The following GAPVD1 variants were observed in gnomAD, a reference collection of about 807,000 sequenced individuals.
GAPVD1 encodes the protein GTPase-activating protein and VPS9 domain-containing protein 1.
GAPVD1 carries 35 observed loss-of-function variants against 155.5 expected under a neutral mutation model. That is an observed-to-expected ratio of 0.23 (90% CI 0.17 to 0.30). GAPVD1 has a LOEUF of 0.30. Among genes scored for constraint, GAPVD1 ranks in the 10% least tolerant of loss-of-function variants. The pLI is 1.00. For missense variants in GAPVD1, 1,429 were observed against 1,775.7 expected, an observed-to-expected ratio of 0.80 and a Z score of 3.51; for synonymous variants, 636 against 619.7, an observed-to-expected ratio of 1.03 and a Z score of -0.39.
intron 11 of GAPVD1, among the ~76,000 whole-genome samples, chr9:125,325,233 A>G (rs1249010303): frequency 2.0e-5 from 3 of 150,262 alleles, no homozygotes; most frequent in Non-Finnish European, 4.4e-5. Flanking sequence ...TGAAAAAAAA[A>G]AAGATGGGCC....
chr9:125,312,813 T>A (rs1214377272), intron 9 of GAPVD1, among the ~76,000 whole-genome samples: 1 of 152,176 alleles, frequency 6.6e-6, no homozygotes, highest in Non-Finnish European at 1.5e-5. Context: ...GTATTCTTGC[T>A]GTGTCTTTGG....
At chr9:125,293,852 T>TTATATATATAAATATATTATA (rs1839179851) in intron 2 of GAPVD1, among the ~76,000 whole-genome samples, 1 of 35,194 alleles carries the variant, frequency 2.8e-5, no homozygotes, top group African/African-American at 1.6e-4. Flanking sequence ...AAAATATATT[T>TTATATATATAAATATATTATA]TATATATATA....
At chr9:125,311,395 G>A (rs995298352) in intron 8 of GAPVD1, among the ~76,000 whole-genome samples, 5 of 152,136 alleles carry the variant, frequency 3.3e-5, no homozygotes, top group South Asian at 2.1e-4. Context: ...GCCAAGGTGC[G>A]TGGATCACCT....
intron 1 of GAPVD1, among the ~76,000 whole-genome samples, chr9:125,267,903 C>T (rs1834231949): frequency 6.6e-6 from 1 of 151,958 alleles, no homozygotes; most frequent in Admixed American, 6.6e-5. Context: ...TGGCTCACAC[C>T]TGTGATCCCT....
At chr9:125,265,925 A>T (rs1252133502) in intron 1 of GAPVD1, among the ~76,000 whole-genome samples, 32 of 131,954 alleles carry the variant, frequency 2.4e-4, no homozygotes, top group African/African-American at 5.0e-4. Context: ...AAAAATTTAT[A>T]AAAAAAAAAA....
intron 4 of GAPVD1, among the ~76,000 whole-genome samples, chr9:125,301,504 G>A (rs1047269119): frequency 2.0e-5 from 3 of 151,308 alleles, no homozygotes; most frequent in Admixed American, 6.6e-5. Flanking sequence ...GGTGGAGTGC[G>A]GTGGCATGAT....
At position 125,332,600 on chromosome 9, in the gene GAPVD1, C is replaced by T. The variant is rs758411856; in HGVS notation, c.2399C>T (p.Thr800Ile). ...SSDFGGKDSVTSPDMDEITHG... is the reference protein window; with the variant it reads ...SSDFGGKDSVISPDMDEITHG... ...GATTTTGGGGGTAAAGATTCTGTCA[C>T]TAGTCCAGACATGGATGAAATAACT... Residue 800 changes from threonine (T) to isoleucine (I), a missense_variant, in exon 15 of 28, where the codon ACT (threonine) becomes ATT (isoleucine). Physicochemically the swap from Thr to Ile is moderately conservative, Grantham distance 89 (BLOSUM62 -1). Around this residue, in one of 4 missense-constraint regions of GAPVD1, gnomAD observed 699 missense variants for 826.0 expected, o/e 0.85. Coordinates refer to ENST00000297933, the MANE Select transcript of GAPVD1 (RefSeq NM_001282680.3). 4 of 1,609,766 alleles carry T rather than the reference C, an allele frequency of 2.5e-6. No individual in the cohort carries two copies. Among genetic ancestry groups the T allele is most frequent in the Non-Finnish European group, 2.5e-6 (3 of 1,177,076 alleles).
At chr9:125,326,378 GCTA>G (rs747814852) in intron 11 of GAPVD1, 35 bp from the exon 12 acceptor site, 1 of 1,365,604 alleles carries the variant, frequency 7.3e-7, no homozygotes, top group Non-Finnish European at 1.0e-6. Flanking sequence ...TCATAGCTGT[GCTA>G]CTATTTTAAA....
intron 2 of GAPVD1, among the ~76,000 whole-genome samples, chr9:125,270,179 A>G (rs922569172): frequency 5.9e-5 from 9 of 152,100 alleles, no homozygotes; most frequent in Admixed American, 5.2e-4. Context: ...CTGTAATCCT[A>G]GCACTTTGGG....
In GAPVD1 at chr9:125,342,274, G is replaced by A; in HGVS notation, c.3021G>A (p.Gly1007=). Residue 1007 remains glycine (G), a synonymous_variant, in exon 19 of 28, where the codon GGG becomes GGA. Transcript: ENST00000297933. ...AAGAAAAAGACAAAGATGATCTGGG[G>A]CCTGACAGATTCTCAACACTCACAG... The part of the protein sequence containing the change: ...EKQEKDKDDL[G]PDRFSTLTDD... 6.3e-7 allele frequency: 1 copy of A among 1,596,826 alleles called. No homozygotes were observed. Among genetic ancestry groups the A allele is most frequent in the Non-Finnish European group, 8.6e-7 (1 of 1,164,354 alleles).
At chr9:125,310,089 T>G (rs1842446403) in intron 8 of GAPVD1, 1 of 253,546 alleles carries the variant, frequency 3.9e-6, no homozygotes, top group Non-Finnish European at 8.7e-6. Context: ...CATGTGCATG[T>G]TGCTTTTACT....
At chr9:125,333,221 C>T (rs1364609989) in intron 15 of GAPVD1, among the ~76,000 whole-genome samples, 1 of 151,954 alleles carries the variant, frequency 6.6e-6, no homozygotes, top group Non-Finnish European at 1.5e-5. Context: ...GCTTGGATTA[C>T]AGGCACCCAC....
At chr9:125,263,488 A>C in intron 1 of GAPVD1, 1 of 695,846 alleles carries the variant, frequency 1.4e-6, no homozygotes, top group Non-Finnish European at 2.5e-6. Flanking sequence ...AAATAGAAAT[A>C]AGGTTTTTTG....
chr9:125,350,472 T>G (rs1355672050), intron 22 of GAPVD1, 68 bp downstream of exon 22: 39 of 1,017,088 alleles, frequency 3.8e-5, no homozygotes, highest in Non-Finnish European at 6.1e-5. Flanking sequence ...ATTGCCAGTA[T>G]TCAGCTGTTG....
intron 5 of GAPVD1, among the ~76,000 whole-genome samples, chr9:125,304,371 T>G (rs1841448470): frequency 6.6e-6 from 1 of 152,218 alleles, no homozygotes; most frequent in Admixed American, 6.6e-5. Flanking sequence ...CATGAAACAC[T>G]TAAATTTATT....
chr9:125,306,225 G>A (rs1272591677), intron 6 of GAPVD1, among the ~76,000 whole-genome samples: 1 of 151,712 alleles, frequency 6.6e-6, no homozygotes, highest in Admixed American at 6.6e-5. Context: ...GTGCAGTGGC[G>A]TGATCTCGGC....
intron 2 of GAPVD1, among the ~76,000 whole-genome samples, chr9:125,285,620 C>T (rs1027296962): frequency 2.6e-5 from 4 of 151,426 alleles, no homozygotes; most frequent in Non-Finnish European, 5.9e-5. Flanking sequence ...CCACCACACC[C>T]GGCTAATTTT....
chr9:125,352,964 T>C (rs1849524403), intron 23 of GAPVD1, among the ~76,000 whole-genome samples: 1 of 151,950 alleles, frequency 6.6e-6, no homozygotes, highest in African/African-American at 2.4e-5. Context: ...AAAAATTAGC[T>C]AGGTATGGTG....
intron 19 of GAPVD1, among the ~76,000 whole-genome samples, chr9:125,345,349 T>G (rs1848376441): frequency 6.6e-6 from 1 of 152,046 alleles, no homozygotes; most frequent in Admixed American, 6.6e-5. Flanking sequence ...TCCAGCTAAT[T>G]TTTGTATTTT....
Sources: allele counts gnomAD v4.1 joint callset (sites outside exome capture counted in the v4.1 genomes callset), GRCh38; gene constraint gnomAD v4.1.1; regional missense constraint gnomAD v4.1.1; transcripts MANE v1.5; gene names NCBI Gene and HGNC (gene_info 2026-07-23, HGNC 2026-07-21).